RIF1: variants seen among roughly 807,000 people sequenced by gnomAD.
The protein encoded by RIF1 is replication timing regulatory factor 1.
Under a neutral mutation model 247.1 loss-of-function variants are expected in RIF1, and 45 were observed. The observed-to-expected ratio is 0.18, with a 90% CI of 0.14 to 0.23. The LOEUF is 0.23. Ranked by LOEUF, RIF1 falls within the 10% of genes least tolerant of loss-of-function variation. RIF1 has a pLI of 1.00. For missense variants in RIF1, 2,967 were observed against 2,862.5 expected, an observed-to-expected ratio of 1.04 and a Z score of -0.83; for synonymous variants, 1,087 against 978.8, an observed-to-expected ratio of 1.11 and a Z score of -2.06.
At chr2:151,454,253 A>AT (rs1248715539) in intron 21 of RIF1, among the ~76,000 whole-genome samples, 1 of 152,138 alleles carries the variant, frequency 6.6e-6, no homozygotes, top group Non-Finnish European at 1.5e-5. Context: ...GAATGGGTAA[A>AT]TTTTTTGGGC....
Position 151,437,351 on chromosome 2 carries a change from G to A in RIF1, c.1483G>A (p.Asp495Asn). The A allele has an allele frequency of 3.8e-6, 6 of 1,599,358 alleles. No homozygotes were observed. The highest frequency in any genetic ancestry group is 2.2e-5 in the East Asian group (1 of 44,770). The stretch of plus-strand genomic sequence containing the variant: ...TGTTGCAGTTGGAAAAGATGCCCCC[G>A]GTAAGAGAATTTGATTTATTATTTG... Reference protein sequence around the residue: ...SFVAVGKDAPDVVVSAIWKEL... With the variant: ...SFVAVGKDAPNVVVSAIWKEL... Residue 495 changes from aspartate to asparagine, a missense_variant and splice_region_variant, in exon 13 of 36, where the codon GAT becomes AAT. Physicochemically the swap from Asp to Asn is conservative, Grantham distance 23 (BLOSUM62 1). This residue lies in a region of RIF1 where 369 missense variants were observed against 322.0 expected (regional missense o/e 1.15). Coordinates refer to ENST00000444746, the MANE Select transcript of RIF1 (RefSeq NM_018151.5).
chr2:151,473,845 T>G (rs1282541716), intron 34 of RIF1, 119 bp from the exon 35 acceptor site: 3 of 672,478 alleles, frequency 4.5e-6, no homozygotes, highest in Non-Finnish European at 8.1e-6. Flanking sequence ...TGATGGGTGG[T>G]AGAACATAGG....
chr2:151,479,105 C>G lies in RIF1; in HGVS notation c.*4034C>G, dbSNP rs999147005. 1 of 152,176 alleles carries G rather than the reference C, an allele frequency of 6.6e-6. No homozygotes were observed. Among genetic ancestry groups the G allele is most frequent in the Non-Finnish European group, 1.5e-5 (1 of 68,024 alleles). 9.4% of individuals were successfully genotyped at this position (152,176 alleles called of 1,614,324 possible). On this transcript the variant is annotated 3_prime_UTR_variant, in exon 36 of 36. Transcript: ENST00000444746. Reference sequence around the variant, plus strand: ...TAAACACAGTCCCAGGTGATTCATGCAGATGCCTGTGAACTGCGCTGGTAG... The same window carrying G: ...TAAACACAGTCCCAGGTGATTCATGGAGATGCCTGTGAACTGCGCTGGTAG...
At chr2:151,418,044 G>A (rs1026867117) in intron 6 of RIF1, among the ~76,000 whole-genome samples, 1 of 152,184 alleles carries the variant, frequency 6.6e-6, no homozygotes. Flanking sequence ...CACGAATGGA[G>A]GTTTTAGGAC....
the RIF1 span, among the ~76,000 whole-genome samples, chr2:151,527,797 G>A: frequency 1.3e-5 from 2 of 152,152 alleles, no homozygotes; most frequent in African/African-American, 4.8e-5. Flanking sequence ...CGAAATAGAG[G>A]CTAAAATTTT....
At chr2:151,523,763 C>G in the RIF1 span, among the ~76,000 whole-genome samples, 1 of 152,216 alleles carries the variant, frequency 6.6e-6, no homozygotes, top group African/African-American at 2.4e-5. Flanking sequence ...CATCAGCACC[C>G]TGTGCATACC....
At chr2:151,458,449 GTCTCAA>G (rs1695592189) in intron 24 of RIF1, among the ~76,000 whole-genome samples, 1 of 151,806 alleles carries the variant, frequency 6.6e-6, no homozygotes, top group Admixed American at 6.6e-5. Flanking sequence ...AGCCAGGATC[GTCTCAA>G]TCTCCTGACC....
rs1188741322 is a variant in RIF1 at position 151,502,397 on chromosome 2, AAAACTT to A, written c.*710-633_*710-628del. 2.0e-5 allele frequency among the ~76,000 whole-genome samples: 3 copies of A among 152,150 alleles called. No homozygotes were observed. The East Asian group carries it at 5.8e-4, about 29-fold the overall frequency. The stretch of plus-strand genomic sequence containing the variant: ...ATAAACATCTAAACATAAAAAAAAA[AAAACTT>A]AAAAGCTGCAAACATAAAGAATACA... On this transcript the variant is annotated intron_variant and NMD_transcript_variant, in intron 11 of 13. Coordinates refer to the RIF1 transcript ENST00000454583.
intron 13 of RIF1, among the ~76,000 whole-genome samples, 182 bp downstream of exon 13, chr2:151,437,533 A>G (rs950828927): frequency 1.3e-5 from 2 of 152,032 alleles, no homozygotes; most frequent in East Asian, 3.9e-4. Flanking sequence ...TCTACAAAGC[A>G]TACAAAAACT....
the RIF1 span, among the ~76,000 whole-genome samples, chr2:151,531,308 C>CTTTTTTTT: frequency 3.6e-5 from 3 of 84,010 alleles, no homozygotes; most frequent in African/African-American, 4.5e-5. Context: ...TTTTTTCTTT[C>CTTTTTTTT]TTTTTTTTTT....
At chr2:151,534,422 G>T in the RIF1 span, 1 of 938,970 alleles carries the variant, frequency 1.1e-6, no homozygotes, top group Non-Finnish European at 1.7e-6. Flanking sequence ...GTCATCTCTA[G>T]TGGCGGGCTC....
At chr2:151,496,251 G>T in intron 10 of RIF1, 2 of 1,552,064 alleles carry the variant, frequency 1.3e-6, no homozygotes, top group Non-Finnish European at 8.8e-7. Context: ...TCAGTAAGTA[G>T]TTTTTTTCTT....
Position 151,409,913 on chromosome 2 carries a change from T to C in RIF1, c.-131T>C, listed in dbSNP as rs1323301257. The C allele has an allele frequency of 4.3e-6, 3 of 697,568 alleles. No homozygotes were observed. The South Asian group carries it at 4.5e-5, about 10-fold the overall frequency. The allele number at this position is 697,568 out of a possible 1,614,324, so 43.2% of individuals were successfully genotyped here. On this transcript the variant is annotated 5_prime_UTR_variant, in exon 1 of 36. Coordinates refer to ENST00000444746, the MANE Select transcript of RIF1 (RefSeq NM_018151.5). ...TCCTGGGCCCGCCCAGCCGCCATCT[T>C]GGTCTAGGAGGGAGCGCGCCGCACG...
At chr2:151,501,846 A>AC (rs1182137377) in intron 11 of RIF1, among the ~76,000 whole-genome samples, 1 of 152,168 alleles carries the variant, frequency 6.6e-6, no homozygotes, top group East Asian at 1.9e-4. Flanking sequence ...AGAGAGAGAG[A>AC]CAGGTAGGTT....
At chr2:151,410,690 A>T (rs1215479771) in intron 2 of RIF1, among the ~76,000 whole-genome samples, 163 bp downstream of exon 2, 1 of 152,114 alleles carries the variant, frequency 6.6e-6, no homozygotes, top group Non-Finnish European at 1.5e-5. Context: ...GATGTATTCT[A>T]GGTGACGTTC....
downstream of RIF1, among the ~76,000 whole-genome samples, chr2:151,509,829 C>CA (rs568835715): frequency 6.6e-6 from 1 of 152,122 alleles, no homozygotes; most frequent in Non-Finnish European, 1.5e-5. Flanking sequence ...AGGATGGTCT[C>CA]AATCTCCTGA....
intron 21 of RIF1, among the ~76,000 whole-genome samples, chr2:151,453,579 CAAAAAAAAAAAA>C (rs59661470): frequency 5.5e-5 from 4 of 72,920 alleles, no homozygotes; most frequent in Non-Finnish European, 8.0e-5. Flanking sequence ...GACTCTGTCT[CAAAAAAAAAAAA>C]AAAAAAAAAA....
chr2:151,427,152 A>T (rs866957521), intron 8 of RIF1, among the ~76,000 whole-genome samples: 4 of 150,710 alleles, frequency 2.7e-5, no homozygotes, highest in African/African-American at 9.8e-5. Flanking sequence ...ATTCGTGTTG[A>T]TGTAATTTTT....
downstream of RIF1, chr2:151,486,216 A>T (rs2050229601): frequency 6.3e-6 from 2 of 315,798 alleles, no homozygotes; most frequent in South Asian, 1.3e-4. Context: ...TCTCCAAAAA[A>T]GATAGACAAA....
Sources: allele counts gnomAD v4.1 joint callset (sites outside exome capture counted in the v4.1 genomes callset), GRCh38; gene constraint gnomAD v4.1.1; regional missense constraint gnomAD v4.1.1; transcripts MANE v1.5; gene names NCBI Gene and HGNC (gene_info 2026-07-23, HGNC 2026-07-21).